Variants in MEX3C observed in about 807,000 individuals in gnomAD.
MEX3C encodes the protein RNA-binding E3 ubiquitin-protein ligase MEX3C.
Under a neutral mutation model 35.5 loss-of-function variants are expected in MEX3C, and 15 were observed. That is an observed-to-expected ratio of 0.42 (90% confidence interval 0.28 to 0.65). The LOEUF (loss-of-function observed/expected upper bound fraction) is 0.65. Ranked by LOEUF, MEX3C falls within the 30% of genes least tolerant of loss-of-function variation. The pLI, the probability that MEX3C is intolerant of heterozygous loss-of-function variation, is 0.20. For missense variants in MEX3C, 711 were observed against 842.8 expected (o/e 0.84, Z 1.94); for synonymous variants, 390 against 352.8 (o/e 1.11, Z -1.18).
intron 1 of MEX3C, among the ~76,000 whole-genome samples, chr18:51,189,597 A>G (rs190571685): frequency 6.6e-6 from 1 of 152,206 alleles, no homozygotes; most frequent in Non-Finnish European, 1.5e-5. Flanking sequence ...ATATTTAATG[A>G]AAAGTTTTAT....
Position 51,177,054 on chromosome 18 carries a change from A to G in MEX3C, c.1277T>C (p.Leu426Pro), listed in dbSNP as rs1307579108. The G allele has an allele frequency of 6.2e-7, 1 of 1,614,010 alleles. No individual in the cohort carries two copies. The highest frequency in any genetic ancestry group is 8.5e-7 in the Non-Finnish European group (1 of 1,179,898). ...FEGGTLGSAW[L>P]SSNPVPPSRA... ...GCTAGGAGGAACAGGATTGGAGGAG[A>G]GCCACGCAGAGCCAAGAGTGCCACC... Residue 426 changes from leucine to proline, a missense_variant, in exon 2 of 2, where the codon CTC becomes CCC. Transcript: ENST00000406189. This position sits in a 1 kb window ranked among gnomAD's most constrained non-coding sequence, Gnocchi z 4.2.
chr18:51,177,582 A>C lies in MEX3C; in HGVS notation c.755-6T>G. 1 of 1,578,970 alleles carries C rather than the reference A, an allele frequency of 6.3e-7. No homozygotes were observed. The highest frequency in any genetic ancestry group is 8.6e-7 in the Non-Finnish European group (1 of 1,166,296). ...CAGTGCTTTAATTTTACAACCTGTT[A>C]GAAAGAAAACATTTCATAAGAATCA... On this transcript the variant is annotated splice_polypyrimidine_tract_variant and splice_region_variant and intron_variant, in intron 1 of 1. Coordinates refer to ENST00000406189, the MANE Select transcript of MEX3C (RefSeq NM_016626.5). This position sits in a 1 kb window ranked among gnomAD's most constrained non-coding sequence, Gnocchi z 4.2.
chr18:51,192,493 C>T lies in MEX3C; in HGVS notation c.754+4074G>A, dbSNP rs74586907. On this transcript the variant is annotated intron_variant, in intron 1 of 1. Coordinates refer to ENST00000406189, the MANE Select transcript of MEX3C (RefSeq NM_016626.5). ...AAATGACAGTAAATTTTTAGCTGGA[C>T]ACATTAGAACTATATTACAATTAAA... is the stretch of plus-strand genomic sequence containing the variant. 6.6e-3 allele frequency among the ~76,000 whole-genome samples: 1,011 copies of T among 152,196 alleles called. 6 individuals carry two copies. The highest frequency in any genetic ancestry group is 0.011 in the Non-Finnish European group (730 of 67,976).
chr18:51,177,284 A>C lies in MEX3C; in HGVS notation c.1047T>G (p.Ile349Met). The stretch of plus-strand genomic sequence containing the variant: ...TGTGGGTCTGCTGCTGAATTCTTTT[A>C]ATAGTTGCTCCTTTGGGTCCAACCA... The part of the protein sequence containing the change: ...GLVVGPKGAT[I>M]KRIQQQTHTY... The change falls in exon 2 of 2, where the codon ATT (isoleucine) becomes ATG (methionine). Residue 349 changes from isoleucine to methionine, a missense_variant. Transcript: ENST00000406189. The surrounding 1 kb of genome is among the most constrained non-coding windows in gnomAD (Gnocchi z 4.2). 1 of 1,613,986 alleles carries C rather than the reference A, an allele frequency of 6.2e-7. No homozygotes were observed. The highest frequency in any genetic ancestry group is 1.1e-5 in the South Asian group (1 of 91,086).
Position 51,177,114 on chromosome 18 carries a change from T to C in MEX3C, c.1217A>G (p.Asp406Gly), listed in dbSNP as rs1391414177. 6.2e-7 allele frequency: 1 copy of C among 1,613,756 alleles called. No homozygotes were observed. Among genetic ancestry groups the C allele is most frequent in the Non-Finnish European group, 8.5e-7 (1 of 1,179,890 alleles). ...TACATCGGTACCATTGTAATGGAAATCATTCTCTTCATTGAGCTCTATATA... is the reference window on the plus strand; with the variant it reads ...TACATCGGTACCATTGTAATGGAAACCATTCTCTTCATTGAGCTCTATATA... ...GNYIELNEEN[D>G]FHYNGTDVSF... The change falls in exon 2 of 2, where the codon GAT (aspartate) becomes GGT (glycine). Residue 406 changes from aspartate (D) to glycine (G), a missense_variant. Physicochemically the swap from Asp to Gly is moderately conservative, Grantham distance 94. Transcript: ENST00000406189. The surrounding 1 kb of genome is among the most constrained non-coding windows in gnomAD (Gnocchi z 4.2).
intron 1 of MEX3C, among the ~76,000 whole-genome samples, chr18:51,187,543 T>A (rs1912567590): frequency 6.6e-6 from 1 of 152,152 alleles, no homozygotes. Flanking sequence ...TTAGCCCAAG[T>A]TGTCTTAAGT....
chr18:51,183,758 T>A (rs1912476824), intron 1 of MEX3C, among the ~76,000 whole-genome samples: 1 of 152,202 alleles, frequency 6.6e-6, no homozygotes, highest in Admixed American at 6.5e-5. Context: ...GCCAGAGGAC[T>A]GCTTGAAGCC....
At chr18:51,193,645 C>T (rs1912706906) in intron 1 of MEX3C, 1 of 152,314 alleles carries the variant, frequency 6.6e-6, no homozygotes, top group South Asian at 2.1e-4. Flanking sequence ...CTCTTCAGTT[C>T]CTGGCTTTAT....
chr18:51,190,465 T>G (rs966324249), intron 1 of MEX3C, among the ~76,000 whole-genome samples: 1 of 152,224 alleles, frequency 6.6e-6, no homozygotes, highest in African/African-American at 2.4e-5. Flanking sequence ...TACTTATGCT[T>G]ACCTTCAACT....
Position 51,197,633 on chromosome 18 carries a change from C to T in MEX3C, c.-313G>A, listed in dbSNP as rs1237081208. 6.6e-6 allele frequency among the ~76,000 whole-genome samples: 1 copy of T among 151,450 alleles called. No homozygotes were observed. Among genetic ancestry groups the T allele is most frequent in the Non-Finnish European group, 1.5e-5 (1 of 67,800 alleles). On this transcript the variant is annotated 5_prime_UTR_variant, in exon 1 of 2. Transcript: ENST00000406189. ...CTTTTGTTTCATGGCCTTAACCAGC[C>T]CCCGGCGCGCGCGGCGGCGGCGGCT...
In MEX3C at chr18:51,177,673, TTA is replaced by T. The variant is rs1912335093; in HGVS notation, c.755-99_755-98del. The T allele has an allele frequency of 7.4e-7, 1 of 1,357,082 alleles. No homozygotes were observed. Among genetic ancestry groups the T allele is most frequent in the South Asian group, 1.5e-5 (1 of 68,036 alleles). 84.1% of individuals were successfully genotyped at this position (1,357,082 alleles called of 1,614,324 possible). A position where few individuals can be genotyped will look rare whatever the true frequency, so the allele number is the denominator to read the frequency against. On this transcript the variant is annotated intron_variant, in intron 1 of 1. Coordinates refer to ENST00000406189, the MANE Select transcript of MEX3C (RefSeq NM_016626.5). This position sits in a 1 kb window ranked among gnomAD's most constrained non-coding sequence, Gnocchi z 4.2. Reference sequence around the variant, plus strand: ...TGCACCTTTTAAGCTAAATATCTGGTTATGGGTTAAGTTTTAGAGTTTTTCAC... The same window carrying T: ...TGCACCTTTTAAGCTAAATATCTGGTTGGGTTAAGTTTTAGAGTTTTTCAC...
intron 1 of MEX3C, among the ~76,000 whole-genome samples, chr18:51,189,689 G>C (rs572683211): frequency 6.6e-6 from 1 of 152,182 alleles, no homozygotes; most frequent in African/African-American, 2.4e-5. Context: ...TTTCCTAACT[G>C]GGGAGCTTGA....
Position 51,176,247 on chromosome 18 carries a change from A to G in MEX3C, c.*104T>C, listed in dbSNP as rs950428459. On this transcript the variant is annotated 3_prime_UTR_variant, in exon 2 of 2. Transcript: ENST00000406189. ...TTTAGCCTAATCCCAATAAAGCCTG[A>G]TAACAGTCATAAGAAATCATTAGGA... The G allele has an allele frequency of 5.2e-5, 60 of 1,162,896 alleles. No individual in the cohort carries two copies. The highest frequency in any genetic ancestry group is 6.6e-5 in the Non-Finnish European group (56 of 846,696). 72.0% of individuals were successfully genotyped at this position (1,162,896 alleles called of 1,614,324 possible). A position where few individuals can be genotyped will look rare whatever the true frequency, so the allele number is the denominator to read the frequency against.
At position 51,197,522 on chromosome 18, in the gene MEX3C, A is replaced by T. The variant is rs1276379015; in HGVS notation, c.-202T>A. 1.7e-5 allele frequency among the ~76,000 whole-genome samples: 1 copy of T among 58,086 alleles called. No homozygotes were observed. 38.1% of individuals were successfully genotyped at this position (58,086 alleles called of 152,430 possible). A position where few individuals can be genotyped will look rare whatever the true frequency, so the allele number is the denominator to read the frequency against. Reference sequence around the variant, plus strand: ...GGCGGGGTGGAGGGGCAGGGGAAGGAGGCAGAGGTAGGTAACTAGGTGGGT... The same window carrying T: ...GGCGGGGTGGAGGGGCAGGGGAAGGTGGCAGAGGTAGGTAACTAGGTGGGT... On this transcript the variant is annotated 5_prime_UTR_variant, in exon 1 of 2. Coordinates refer to ENST00000406189, the MANE Select transcript of MEX3C (RefSeq NM_016626.5).
chr18:51,177,143 T>G lies in MEX3C; in HGVS notation c.1188A>C (p.Gly396=), dbSNP rs140545981. The change falls in exon 2 of 2, where the codon GGA becomes GGC. Residue 396 remains glycine (G), a synonymous_variant. Transcript: ENST00000406189. This position sits in a 1 kb window ranked among gnomAD's most constrained non-coding sequence, Gnocchi z 4.2. ...TCTCTTCATTGAGCTCTATATAGTT[T>G]CCTGTACGCATGGCAATATGCATTT... ...EIEMHIAMRT[G]NYIELNEEND... The G allele has an allele frequency of 3.1e-6, 5 of 1,613,812 alleles. No individual in the cohort carries two copies. The highest frequency in any genetic ancestry group is 3.4e-6 in the Non-Finnish European group (4 of 1,179,894).
chr18:51,190,051 T>C (rs2144556407), intron 1 of MEX3C, among the ~76,000 whole-genome samples: 1 of 152,300 alleles, frequency 6.6e-6, no homozygotes, highest in African/African-American at 2.4e-5. Context: ...GTACTGTCAA[T>C]TTCTACTAAT....
Position 51,196,723 on chromosome 18 carries a change from TCGC to T in MEX3C, c.595_597del (p.Ala199del), listed in dbSNP as rs750232127. ...CCGGGGCCGTAGGCGTGGGACAGCA[TCGC>T]CGCCATCATGCCCTGGGCATCGTCC... On this transcript the variant is annotated inframe_deletion, in exon 1 of 2. Transcript: ENST00000406189. 33 of 1,533,322 alleles carry T rather than the reference TCGC, an allele frequency of 2.2e-5. No individual in the cohort carries two copies. Among genetic ancestry groups the T allele is most frequent in the Non-Finnish European group, 2.8e-5 (32 of 1,144,942 alleles). The allele number at this position is 1,533,322 out of a possible 1,614,324, so 95.0% of individuals were successfully genotyped here. A position where few individuals can be genotyped will look rare whatever the true frequency, so the allele number is the denominator to read the frequency against.
intron 1 of MEX3C, among the ~76,000 whole-genome samples, chr18:51,181,860 TTAAG>T (rs1912440130): frequency 6.6e-6 from 1 of 152,204 alleles, no homozygotes; most frequent in African/African-American, 2.4e-5. Context: ...ATAAATATGA[TTAAG>T]TTAGAAAAGA....
At chr18:51,185,669 A>G (rs563148191) in intron 1 of MEX3C, among the ~76,000 whole-genome samples, 8 of 152,294 alleles carry the variant, frequency 5.3e-5, no homozygotes, top group African/African-American at 1.7e-4. Flanking sequence ...ATTCAGGAAT[A>G]GTAACCCAAA....
Sources: allele counts gnomAD v4.1 joint callset (sites outside exome capture counted in the v4.1 genomes callset), GRCh38; gene constraint gnomAD v4.1.1; non-coding constraint Gnocchi (gnomAD v3.1); transcripts MANE v1.5; gene names NCBI Gene and HGNC (gene_info 2026-07-23, HGNC 2026-07-21).